Variants in SHANK2 observed in about 807,000 individuals in gnomAD.
SHANK2 encodes SH3 and multiple ankyrin repeat domains 2, also known as SH3 and multiple ankyrin repeat domains protein 2.
In SHANK2, 43 loss-of-function variants were observed where a neutral mutation model predicts 133.7. The observed-to-expected ratio is 0.32, with a 90% CI of 0.25 to 0.41. The LOEUF (loss-of-function observed/expected upper bound fraction) is 0.41. Ranked by LOEUF, SHANK2 falls within the 10% of genes least tolerant of loss-of-function variation. The pLI is 1.00. For missense variants in SHANK2, 1,994 were observed against 2,235.8 expected, an observed-to-expected ratio of 0.89 and a Z score of 2.18; for synonymous variants, 1,017 against 952.8, an observed-to-expected ratio of 1.07 and a Z score of -1.24.
chr11:70,484,256 T>A lies in SHANK2; in HGVS notation c.4979+1058A>T, dbSNP rs369869735. ...CCAAATCTCATATGTGAAATTGTAG[T>A]CTCCAGTGTTGGAGGAGGTGCCTGG... On this transcript the variant is annotated intron_variant, in intron 25 of 25. Transcript: ENST00000601538. Among the ~76,000 whole-genome samples, 36 of 152,302 alleles carry A rather than the reference T, an allele frequency of 2.4e-4. No individual in the cohort carries two copies. The South Asian group carries it at 7.5e-3, about 32-fold the overall frequency.
chr11:71,189,516 C>T (rs976770080), intron 2 of SHANK2, among the ~76,000 whole-genome samples: 1 of 152,224 alleles, frequency 6.6e-6, no homozygotes, highest in Admixed American at 6.5e-5. Context: ...CCCATCTCAG[C>T]TTCCTGAGTA....
chr11:70,698,919 C>G (rs749356113), intron 14 of SHANK2, 156 bp from the exon 15 acceptor site: 1 of 688,414 alleles, frequency 1.5e-6, no homozygotes, highest in Non-Finnish European at 2.7e-6. Flanking sequence ...AGGCCTGGTT[C>G]TGGGGCTCAA....
chr11:71,083,979 T>C lies in SHANK2; in HGVS notation c.912+8443A>G, dbSNP rs933526172. On this transcript the variant is annotated intron_variant, in intron 8 of 25. Transcript: ENST00000601538. ...GGTAATTTGAATAACAACTTTTTTTTGGGGGGGGGAGACAGAGTCTTGCTC... is the reference window on the plus strand; with the variant it reads ...GGTAATTTGAATAACAACTTTTTTTCGGGGGGGGGAGACAGAGTCTTGCTC... 1.4e-4 allele frequency among the ~76,000 whole-genome samples: 21 copies of C among 147,706 alleles called. 1 individual carries two copies. Among genetic ancestry groups the C allele is most frequent in the Admixed American group, 3.4e-4 (5 of 14,836 alleles).
chr11:70,949,148 A>C (rs1950797136), intron 10 of SHANK2, among the ~76,000 whole-genome samples: 1 of 152,228 alleles, frequency 6.6e-6, no homozygotes, highest in Non-Finnish European at 1.5e-5. Flanking sequence ...AAGGGAAAAG[A>C]AATAAAAATA....
chr11:71,069,663 ATTC>A lies in SHANK2; in HGVS notation c.1029+5493_1029+5495del, dbSNP rs1232754780. On this transcript the variant is annotated intron_variant, in intron 9 of 25. Coordinates refer to ENST00000601538, the MANE Select transcript of SHANK2 (RefSeq NM_012309.5). ...TTATCCCCACATTACAGATAAGGAAATTCAGGGCCCTAGAGAGACAATAGGTTG... is the reference window on the plus strand; with the variant it reads ...TTATCCCCACATTACAGATAAGGAAAAGGGCCCTAGAGAGACAATAGGTTG... Among the ~76,000 whole-genome samples the A allele has an allele frequency of 4.6e-5, 7 of 152,234 alleles. No homozygotes were observed. The East Asian group carries it at 1.3e-3, about 29-fold the overall frequency.
At chr11:71,222,980 G>C (rs782255755) in intron 2 of SHANK2, among the ~76,000 whole-genome samples, 37 of 152,244 alleles carry the variant, frequency 2.4e-4, no homozygotes, top group Non-Finnish European at 4.8e-4. Context: ...CACCCTCCAC[G>C]GAGCCGTGTC....
intron 24 of SHANK2, among the ~76,000 whole-genome samples, chr11:70,488,037 C>G (rs781784252): frequency 2.0e-5 from 3 of 152,206 alleles, no homozygotes; most frequent in Non-Finnish European, 2.9e-5. Context: ...GAGCCGTGTG[C>G]CAGTCTGCAG....
In SHANK2 at chr11:71,167,662, C is replaced by T. The variant is rs1251571709; in HGVS notation, c.-12-20324G>A. ...TTCCCGGACAGGACAGCTGGCCGGG[C>T]GGGGGGCTGACCCCTCCACCTCCCT... On this transcript the variant is annotated intron_variant, in intron 2 of 25. Transcript: ENST00000601538. Among the ~76,000 whole-genome samples the T allele has an allele frequency of 1.5e-3, 210 of 142,958 alleles. 1 individual carries two copies. Among genetic ancestry groups the T allele is most frequent in the African/African-American group, 4.9e-3 (188 of 38,376 alleles). 93.8% of individuals were successfully genotyped at this position (142,958 alleles called of 152,430 possible). A position where few individuals can be genotyped will look rare whatever the true frequency, so the allele number is the denominator to read the frequency against.
chr11:70,592,430 G>A (rs950272623), intron 17 of SHANK2, among the ~76,000 whole-genome samples: 31 of 152,158 alleles, frequency 2.0e-4, no homozygotes, highest in Admixed American at 1.0e-3. Context: ...TGGGTGGGAC[G>A]TGGCCACCAA....
At chr11:70,565,134 T>A (rs1373348576) in intron 17 of SHANK2, among the ~76,000 whole-genome samples, 1 of 152,232 alleles carries the variant, frequency 6.6e-6, no homozygotes, top group African/African-American at 2.4e-5. Flanking sequence ...TCATGAATTG[T>A]ACTTGTTGGG....
intron 17 of SHANK2, among the ~76,000 whole-genome samples, chr11:70,560,483 G>GTTT (rs61143133): frequency 1.0e-5 from 1 of 96,006 alleles, no homozygotes; most frequent in Non-Finnish European, 2.0e-5. Context: ...CCCCAGTAGG[G>GTTT]TTTTTTTTTT....
At chr11:71,085,349 G>A (rs1225436963) in intron 8 of SHANK2, among the ~76,000 whole-genome samples, 1 of 149,596 alleles carries the variant, frequency 6.7e-6, no homozygotes, top group African/African-American at 2.5e-5. Flanking sequence ...CCAGGTACTT[G>A]GGAGGCTGAG....
At chr11:70,781,668 T>C (rs1192882776) in intron 14 of SHANK2, among the ~76,000 whole-genome samples, 1 of 147,176 alleles carries the variant, frequency 6.8e-6, no homozygotes, top group Non-Finnish European at 1.5e-5. Context: ...ATGTGCCATG[T>C]TGGTGTGCTG....
chr11:70,542,783 C>T (rs1171765754), intron 17 of SHANK2, among the ~76,000 whole-genome samples: 1 of 152,236 alleles, frequency 6.6e-6, no homozygotes, highest in Non-Finnish European at 1.5e-5. Context: ...AGCTTCCTGC[C>T]TGTACCCTGG....
At chr11:70,949,853 C>A (rs537719311) in intron 10 of SHANK2, among the ~76,000 whole-genome samples, 1 of 152,222 alleles carries the variant, frequency 6.6e-6, no homozygotes, top group Non-Finnish European at 1.5e-5. Context: ...CCTCCACCTG[C>A]GCGTCTTAGT....
Position 70,486,793 on chromosome 11 carries a change from C to A in SHANK2, c.3500G>T (p.Gly1167Val). Residue 1167 changes from glycine to valine, a missense_variant, in exon 25 of 26, where the codon GGT becomes GTT. Physicochemically the swap from Gly to Val is moderately radical, Grantham distance 109. This residue lies in a region of SHANK2 where 797 missense variants were observed against 907.4 expected (regional missense o/e 0.88). Transcript: ENST00000601538. This position sits in a 1 kb window ranked among gnomAD's most constrained non-coding sequence, Gnocchi z 8.0. ...FVGGAEASAP[G>V]EAGRPLNSTS... ...GGAATTCAGCGGCCTCCCAGCCTCA[C>A]CCGGAGCACTGGCCTCGGCGCCACC... is the stretch of plus-strand genomic sequence containing the variant. 6.2e-7 allele frequency: 1 copy of A among 1,612,170 alleles called. No homozygotes were observed. Among genetic ancestry groups the A allele is most frequent in the East Asian group, 2.2e-5 (1 of 44,862 alleles).
chr11:70,865,474 C>CG (rs1406992085), intron 11 of SHANK2, among the ~76,000 whole-genome samples: 1 of 152,150 alleles, frequency 6.6e-6, no homozygotes. Context: ...TAAGGGCACG[C>CG]GGGGGGTGTC....
chr11:71,127,336 C>A (rs547238683), intron 3 of SHANK2, among the ~76,000 whole-genome samples: 1 of 152,306 alleles, frequency 6.6e-6, no homozygotes, highest in East Asian at 1.9e-4. Flanking sequence ...TCCATAAACT[C>A]AGTGGATAAA....
chr11:70,902,813 A>G (rs1332896329), intron 10 of SHANK2, among the ~76,000 whole-genome samples: 1 of 152,166 alleles, frequency 6.6e-6, no homozygotes, highest in African/African-American at 2.4e-5. Flanking sequence ...AGTAGAGGAA[A>G]GCAGATGGAC....
Sources: gnomAD v4.1 joint callset for allele counts (sites outside exome capture counted in the v4.1 genomes callset) on GRCh38, gnomAD v4.1.1 for gene constraint, gnomAD v4.1.1 regional missense constraint, Gnocchi (gnomAD v3.1) non-coding constraint, MANE v1.5 for transcripts, NCBI Gene and HGNC (gene_info 2026-07-23, HGNC 2026-07-21) for gene names.